CD200R1: variants seen among roughly 807,000 people sequenced by gnomAD.
CD200R1 encodes cell surface glycoprotein CD200 receptor 1.
CD200R1 carries 30 observed loss-of-function variants against 38.1 expected under a neutral mutation model. The observed-to-expected ratio is 0.79, with a 90% CI of 0.59 to 1.07. CD200R1 has a LOEUF of 1.07. Among genes scored for constraint, CD200R1 ranks in the 50% least tolerant of loss-of-function variants. CD200R1 has a pLI of 0.00. For synonymous variants in CD200R1, 128 were observed against 152.1 expected (o/e 0.84, Z 1.16); for missense variants, 372 against 415.4 (o/e 0.90, Z 0.91).
intron 1 of CD200R1, among the ~76,000 whole-genome samples, chr3:112,973,921 G>A (rs763063911): frequency 3.3e-5 from 5 of 152,124 alleles, no homozygotes; most frequent in Non-Finnish European, 7.4e-5. Flanking sequence ...GAACCTAGAT[G>A]TTGAAGAGTC....
chr3:112,944,947 G>A (rs1940811743), intron 2 of CD200R1, among the ~76,000 whole-genome samples: 1 of 152,112 alleles, frequency 6.6e-6, no homozygotes, highest in Admixed American at 6.5e-5. Flanking sequence ...GGAATTTGAA[G>A]TTAAAAACAC....
At chr3:112,941,263 C>T (rs1940722424) in intron 2 of CD200R1, among the ~76,000 whole-genome samples, 1 of 151,492 alleles carries the variant, frequency 6.6e-6, no homozygotes, top group South Asian at 2.1e-4. Context: ...CTATAGTTCA[C>T]AATAATATAT....
intron 5 of CD200R1, among the ~76,000 whole-genome samples, chr3:112,927,996 T>C (rs1191839638): frequency 6.6e-6 from 1 of 152,076 alleles, no homozygotes; most frequent in Non-Finnish European, 1.5e-5. Flanking sequence ...GGCTATTTAA[T>C]GAAAAATTGC....
At chr3:112,963,811 G>A (rs1351573575) in intron 1 of CD200R1, among the ~76,000 whole-genome samples, 1 of 152,150 alleles carries the variant, frequency 6.6e-6, no homozygotes, top group Non-Finnish European at 1.5e-5. Context: ...GGTGGAAAAT[G>A]TCTCCAGGGC....
intron 2 of CD200R1, among the ~76,000 whole-genome samples, chr3:112,946,212 A>C: frequency 6.6e-6 from 1 of 152,202 alleles, no homozygotes; most frequent in East Asian, 1.9e-4. Flanking sequence ...TATTTTTTAA[A>C]TCGTCTCTAG....
Position 112,974,798 on chromosome 3 carries a change from T to G in CD200R1, c.60A>C (p.Leu20Phe). 1 of 1,609,044 alleles carries G rather than the reference T, an allele frequency of 6.2e-7. No individual in the cohort carries two copies. The highest frequency in any genetic ancestry group is 1.3e-5 in the African/African-American group (1 of 74,876). ...AAGAGAATTCAAACTTACCGGCCAC[T>G]AAGAAGATAGTCAAAATCAACAGTA... is the stretch of plus-strand genomic sequence containing the variant. ...LGLLLILTIFLVAEAEGAAQP... is the reference protein window; with the variant it reads ...LGLLLILTIFFVAEAEGAAQP... Residue 20 changes from leucine to phenylalanine, a missense_variant, in exon 1 of 8, where the codon TTA becomes TTC. Leu to Phe is a conservative substitution (Grantham distance 22). Coordinates refer to ENST00000308611, the MANE Select transcript of CD200R1 (RefSeq NM_138806.4).
chr3:112,926,525 T>C, intron 5 of CD200R1, among the ~76,000 whole-genome samples: 1 of 152,294 alleles, frequency 6.6e-6, no homozygotes, highest in East Asian at 1.9e-4. Flanking sequence ...AGATCCCTGC[T>C]GTACATAGGA....
intron 1 of CD200R1, among the ~76,000 whole-genome samples, chr3:112,968,703 A>C (rs1348596003): frequency 6.6e-6 from 1 of 152,224 alleles, no homozygotes; most frequent in East Asian, 1.9e-4. Context: ...GAGTCAGAGT[A>C]AAAGAGTTCC....
chr3:112,940,595 C>A (rs1036493330), intron 2 of CD200R1, among the ~76,000 whole-genome samples: 1 of 151,666 alleles, frequency 6.6e-6, no homozygotes, highest in Non-Finnish European at 1.5e-5. Flanking sequence ...CAATTAAAAT[C>A]ACAAGGAGAT....
rs986266989 is a variant in CD200R1 at position 112,932,811 on chromosome 3, G to A, written c.137-1640C>T. On this transcript the variant is annotated intron_variant, in intron 2 of 7. Coordinates refer to ENST00000308611, the MANE Select transcript of CD200R1 (RefSeq NM_138806.4). ...AGGCCAGCCCAGCAGTCACATCCACGGCTGAGAAACAGCCCCACAAGCTCA... is the reference window on the plus strand; with the variant it reads ...AGGCCAGCCCAGCAGTCACATCCACAGCTGAGAAACAGCCCCACAAGCTCA... 8.6e-5 allele frequency among the ~76,000 whole-genome samples: 13 copies of A among 151,976 alleles called. No homozygotes were observed. The East Asian group carries it at 2.1e-3, about 25-fold the overall frequency.
chr3:112,970,465 C>T (rs1431784879), intron 1 of CD200R1, among the ~76,000 whole-genome samples: 1 of 152,052 alleles, frequency 6.6e-6, no homozygotes, highest in African/African-American at 2.4e-5. Flanking sequence ...ATTCTTAGGG[C>T]CTACTAGCAT....
intron 1 of CD200R1, among the ~76,000 whole-genome samples, chr3:112,965,815 A>G (rs1477247878): frequency 6.6e-6 from 1 of 152,166 alleles, no homozygotes; most frequent in Admixed American, 6.5e-5. Flanking sequence ...GTTTGTAGAC[A>G]GAAAGAGGGA....
At chr3:112,945,892 G>A (rs1347143011) in intron 2 of CD200R1, among the ~76,000 whole-genome samples, 1 of 152,214 alleles carries the variant, frequency 6.6e-6, no homozygotes, top group African/African-American at 2.4e-5. Context: ...GCAGGGCGTG[G>A]TAGCTGGCGC....
chr3:112,941,451 T>C (rs1940726635), intron 2 of CD200R1, among the ~76,000 whole-genome samples: 1 of 151,484 alleles, frequency 6.6e-6, no homozygotes, highest in African/African-American at 2.4e-5. Flanking sequence ...TTAATATAAA[T>C]AAGTAACTAA....
intron 1 of CD200R1, among the ~76,000 whole-genome samples, chr3:112,968,021 G>A (rs1933210727): frequency 6.6e-6 from 1 of 152,190 alleles, no homozygotes; most frequent in Admixed American, 6.5e-5. Flanking sequence ...TTTCACAAAT[G>A]AGGAAATTAC....
chr3:112,947,728 A>T (rs1239263056), intron 2 of CD200R1, 128 bp downstream of exon 2: 6 of 533,732 alleles, frequency 1.1e-5, no homozygotes, highest in Non-Finnish European at 2.0e-5. Context: ...ATTTATTAAC[A>T]CTCTTAAATA....
chr3:112,960,586 G>A (rs1283504491), intron 1 of CD200R1, among the ~76,000 whole-genome samples: 1 of 151,908 alleles, frequency 6.6e-6, no homozygotes, highest in African/African-American at 2.4e-5. Context: ...GTATGATTCC[G>A]TTTCTGCACC....
At chr3:112,954,374 C>G (rs756239053) in intron 1 of CD200R1, among the ~76,000 whole-genome samples, 17 of 152,086 alleles carry the variant, frequency 1.1e-4, no homozygotes, top group Non-Finnish European at 2.4e-4. Flanking sequence ...GTAAAATATA[C>G]ATTTGGGTTT....
At chr3:112,935,024 T>A (rs1006300027) in intron 2 of CD200R1, among the ~76,000 whole-genome samples, 1 of 152,112 alleles carries the variant, frequency 6.6e-6, no homozygotes, top group Admixed American at 6.6e-5. Flanking sequence ...ATAAAGGAAT[T>A]TATTCAGCAA....
Sources: allele counts gnomAD v4.1 joint callset (sites outside exome capture counted in the v4.1 genomes callset), GRCh38; gene constraint gnomAD v4.1.1; transcripts MANE v1.5; gene names NCBI Gene and HGNC (gene_info 2026-07-23, HGNC 2026-07-21).